Variants in SHANK2 observed in about 807,000 individuals in gnomAD.
SHANK2 encodes the protein SH3 and multiple ankyrin repeat domains 2.
Under a neutral mutation model 133.7 loss-of-function variants are expected in SHANK2, and 43 were observed. The ratio of observed to expected loss-of-function variants is 0.32; its 90% CI spans 0.25 to 0.41. SHANK2 has a LOEUF of 0.41. Among genes scored for constraint, SHANK2 ranks in the 10% least tolerant of loss-of-function variants. The probability of loss-of-function intolerance (pLI) is 1.00; values close to 1 mark genes in which losing one functional copy is unlikely to be tolerated. For missense variants in SHANK2, 1,994 were observed against 2,235.8 expected (o/e 0.89, Z 2.18); for synonymous variants, 1,017 against 952.8 (o/e 1.07, Z -1.24).
At chr11:70,498,068 C>G (rs568907953) in intron 21 of SHANK2, among the ~76,000 whole-genome samples, 2 of 152,254 alleles carry the variant, frequency 1.3e-5, no homozygotes, top group African/African-American at 4.8e-5. Context: ...CTTCAGCTTT[C>G]CTGGGACCTG....
chr11:71,220,602 A>G lies in SHANK2; in HGVS notation c.-13+4095T>C, dbSNP rs147037721. On this transcript the variant is annotated intron_variant, in intron 2 of 25. Transcript: ENST00000601538. The stretch of plus-strand genomic sequence containing the variant: ...AGAAGGAGTATTTCTTAGGCTTAAA[A>G]AGAAATGAAGTTCCAATACATGCTA... 9.4e-3 allele frequency among the ~76,000 whole-genome samples: 1,430 copies of G among 152,302 alleles called. 75 individuals are homozygous for G. The highest frequency in any genetic ancestry group is 4.9e-3 in the Non-Finnish European group (336 of 68,034).
At chr11:70,624,345 C>T (rs2060874892) in intron 17 of SHANK2, among the ~76,000 whole-genome samples, 1 of 151,998 alleles carries the variant, frequency 6.6e-6, no homozygotes, top group African/African-American at 2.4e-5. Flanking sequence ...TTCCCTGGTG[C>T]TCCCAAGGGA....
At chr11:71,179,970 C>G (rs1353073954) in intron 2 of SHANK2, among the ~76,000 whole-genome samples, 3 of 152,200 alleles carry the variant, frequency 2.0e-5, no homozygotes, top group African/African-American at 4.8e-5. Context: ...CAATGTGAGT[C>G]TCAAAGTCCA....
At chr11:70,483,478 C>T (rs1035287691) in intron 25 of SHANK2, among the ~76,000 whole-genome samples, 17 of 132,458 alleles carry the variant, frequency 1.3e-4, no homozygotes, top group Admixed American at 1.2e-3. Flanking sequence ...GTGAGTGGTT[C>T]GTTTGAGCCC....
At chr11:70,755,447 G>A (rs1041355042) in intron 14 of SHANK2, among the ~76,000 whole-genome samples, 3 of 152,200 alleles carry the variant, frequency 2.0e-5, no homozygotes, top group South Asian at 2.1e-4. Flanking sequence ...GGTGCACTCC[G>A]GCCCCTCATC....
chr11:70,599,233 C>T (rs2060443663), intron 17 of SHANK2, among the ~76,000 whole-genome samples: 1 of 152,086 alleles, frequency 6.6e-6, no homozygotes, highest in Admixed American at 6.6e-5. Flanking sequence ...CATGAAGTGA[C>T]ATCAGTGAAA....
intron 11 of SHANK2, among the ~76,000 whole-genome samples, chr11:70,839,173 G>C (rs975494651): frequency 1.3e-5 from 2 of 152,226 alleles, no homozygotes; most frequent in African/African-American, 4.8e-5. Flanking sequence ...TCAGTAAAGT[G>C]GGGGAGAAGT....
chr11:70,857,918 C>T (rs145142571), intron 11 of SHANK2, among the ~76,000 whole-genome samples: 100 of 152,316 alleles, frequency 6.6e-4, no homozygotes, highest in African/African-American at 2.2e-3. Flanking sequence ...CTACATCTGA[C>T]CTAGTGTGTG....
intron 2 of SHANK2, among the ~76,000 whole-genome samples, chr11:71,174,453 A>G (rs6591916): frequency 0.93 from 140,336 of 151,620 alleles, 65,447 homozygotes; most frequent in Non-Finnish European, 0.98. Context: ...AGGCCGAGGC[A>G]GGCGGATCAC....
chr11:70,903,175 G>C (rs185580395), intron 10 of SHANK2, among the ~76,000 whole-genome samples: 1 of 152,022 alleles, frequency 6.6e-6, no homozygotes, highest in African/African-American at 2.4e-5. Context: ...TCAGGAGTTC[G>C]AGACTAGCCT....
chr11:71,119,557 C>T (rs1288886818), intron 3 of SHANK2, among the ~76,000 whole-genome samples: 6 of 140,988 alleles, frequency 4.3e-5, no homozygotes, highest in East Asian at 2.1e-4. Flanking sequence ...TCCAGTCTGG[C>T]GACAAGGCGA....
intron 25 of SHANK2, among the ~76,000 whole-genome samples, chr11:70,483,376 GT>G (rs2058760452): frequency 6.6e-6 from 1 of 152,026 alleles, no homozygotes; most frequent in Non-Finnish European, 1.5e-5. Context: ...ACATTAGTAT[GT>G]AATGGGGAAG....
chr11:70,618,748 C>T (rs1216310752), intron 17 of SHANK2, among the ~76,000 whole-genome samples: 1 of 152,228 alleles, frequency 6.6e-6, no homozygotes, highest in Non-Finnish European at 1.5e-5. Flanking sequence ...TCACGCTATG[C>T]TGAGCATTTG....
chr11:70,933,216 A>C (rs1555082820), intron 10 of SHANK2: 1 of 456,604 alleles, frequency 2.2e-6, no homozygotes, highest in Admixed American at 2.3e-5. Context: ...CACAGGCTAC[A>C]ACATGGAGGA....
rs1036980769 is a variant in SHANK2, at chr11:71,068,140, G to A, written c.1029+7019C>T. On this transcript the variant is annotated intron_variant, in intron 9 of 25. Coordinates refer to ENST00000601538, the MANE Select transcript of SHANK2 (RefSeq NM_012309.5). Reference sequence around the variant, plus strand: ...GTCACTCACCATGAACATGATCACCGTCACTATCATTACCATCAGCACTGC... The same window carrying A: ...GTCACTCACCATGAACATGATCACCATCACTATCATTACCATCAGCACTGC... Among the ~76,000 whole-genome samples the A allele has an allele frequency of 7.9e-4, 120 of 152,092 alleles. 1 individual carries two copies. Among genetic ancestry groups the A allele is most frequent in the Admixed American group, 2.4e-3 (37 of 15,272 alleles).
chr11:71,168,616 A>C (rs1157717546), intron 2 of SHANK2, among the ~76,000 whole-genome samples: 2 of 152,202 alleles, frequency 1.3e-5, no homozygotes, highest in African/African-American at 2.4e-5. Flanking sequence ...CGCAGTTAGG[A>C]GCTGGAGACC....
intron 15 of SHANK2, among the ~76,000 whole-genome samples, chr11:70,666,081 G>A (rs1379969249): frequency 6.6e-6 from 1 of 152,176 alleles, no homozygotes; most frequent in African/African-American, 2.4e-5. Context: ...CGGATGTTGG[G>A]TGGGAGGTGG....
intron 10 of SHANK2, among the ~76,000 whole-genome samples, chr11:70,941,228 C>A (rs1950642557): frequency 6.6e-6 from 1 of 152,158 alleles, no homozygotes; most frequent in Admixed American, 6.5e-5. Flanking sequence ...CCTCTCTCCC[C>A]TCCCCTGAGT....
At chr11:71,073,147 CTTTTTTTTCTTTTTTTTCT>C (rs1286795196) in intron 9 of SHANK2, among the ~76,000 whole-genome samples, 2 of 62,716 alleles carry the variant, frequency 3.2e-5, no homozygotes, top group Non-Finnish European at 7.8e-5. Flanking sequence ...TTTTTCTTTT[CTTTTTTTTCTTTTTTTTCT>C]TTTTTTTTTT....
Sources: allele counts gnomAD v4.1 joint callset (sites outside exome capture counted in the v4.1 genomes callset), GRCh38; gene constraint gnomAD v4.1.1; transcripts MANE v1.5; gene names NCBI Gene and HGNC (gene_info 2026-07-23, HGNC 2026-07-21).